Variants in SORCS1 observed in about 807,000 individuals in gnomAD.
SORCS1 encodes the protein VPS10 domain-containing receptor SorCS1.
In SORCS1, 60 loss-of-function variants were observed where a neutral mutation model predicts 146.1. That is an observed-to-expected ratio of 0.41 (90% CI 0.33 to 0.51). SORCS1 has a LOEUF of 0.51. Ranked by LOEUF, SORCS1 falls within the 20% of genes least tolerant of loss-of-function variation. The pLI is 0.21. For synonymous variants in SORCS1, 637 were observed against 584.0 expected (o/e 1.09, Z -1.31); for missense variants, 1,352 against 1,487.6 (o/e 0.91, Z 1.50).
intron 1 of SORCS1, among the ~76,000 whole-genome samples, chr10:107,135,555 C>G (rs186639190): frequency 2.0e-3 from 302 of 152,312 alleles, no homozygotes; most frequent in Non-Finnish European, 3.5e-3. Flanking sequence ...TCCTCCTTAA[C>G]CAGCACCTGC....
chr10:106,926,862 CACACAGAGAG>C (rs778335514), intron 2 of SORCS1, among the ~76,000 whole-genome samples: 23 of 97,392 alleles, frequency 2.4e-4, no homozygotes, highest in African/African-American at 1.1e-3. Context: ...CACACACACA[CACACAGAGAG>C]AGAGAGAGAG....
At chr10:106,620,305 T>C in intron 20 of SORCS1, 123 bp downstream of exon 20, 1 of 1,270,962 alleles carries the variant, frequency 7.9e-7, no homozygotes. Flanking sequence ...AGGGAGCTTG[T>C]TGTCCTTGAA....
At chr10:106,866,100 C>T (rs1051064475) in intron 2 of SORCS1, among the ~76,000 whole-genome samples, 3 of 152,220 alleles carry the variant, frequency 2.0e-5, no homozygotes, top group East Asian at 1.9e-4. Context: ...TGGCCACCCC[C>T]GACTAGGGCT....
At chr10:106,881,961 G>C (rs1950818518) in intron 2 of SORCS1, among the ~76,000 whole-genome samples, 1 of 152,158 alleles carries the variant, frequency 6.6e-6, no homozygotes, top group Non-Finnish European at 1.5e-5. Flanking sequence ...GGCAAGCTTG[G>C]CTAAAGTGAA....
intron 1 of SORCS1, among the ~76,000 whole-genome samples, chr10:106,958,699 G>A (rs1045605937): frequency 6.6e-6 from 1 of 152,168 alleles, no homozygotes; most frequent in Admixed American, 6.5e-5. Context: ...AGCAAAACGT[G>A]AGCATGTGTG....
intron 1 of SORCS1, among the ~76,000 whole-genome samples, chr10:107,159,584 G>A (rs1969552604): frequency 6.6e-6 from 1 of 152,048 alleles, no homozygotes; most frequent in South Asian, 2.1e-4. Context: ...ACCTCCGAAA[G>A]ATATACTATC....
chr10:106,680,041 C>G (rs1392393210), intron 10 of SORCS1, among the ~76,000 whole-genome samples: 1 of 152,044 alleles, frequency 6.6e-6, no homozygotes, highest in East Asian at 1.9e-4. Flanking sequence ...CCATTAATTA[C>G]CATAAAAAGA....
chr10:107,041,995 T>C (rs936719961), intron 1 of SORCS1, among the ~76,000 whole-genome samples: 1 of 152,196 alleles, frequency 6.6e-6, no homozygotes, highest in Non-Finnish European at 1.5e-5. Context: ...GAGTCCATAA[T>C]AAAGATTTCA....
the SORCS1 span, among the ~76,000 whole-genome samples, chr10:107,172,545 T>C: frequency 6.6e-6 from 1 of 152,226 alleles, no homozygotes; most frequent in Non-Finnish European, 1.5e-5. Flanking sequence ...ATCTTCTAAG[T>C]TAGCCATCTC....
chr10:107,159,194 C>T (rs1969523686), intron 1 of SORCS1, among the ~76,000 whole-genome samples: 2 of 152,106 alleles, frequency 1.3e-5, no homozygotes, highest in African/African-American at 4.8e-5. Flanking sequence ...AAAGGAAGAA[C>T]CTTGTGAAAT....
chr10:106,888,552 A>G, intron 2 of SORCS1, among the ~76,000 whole-genome samples: 1 of 152,370 alleles, frequency 6.6e-6, no homozygotes, highest in African/African-American at 2.4e-5. Context: ...TGGTTTTACT[A>G]GTGGGAAATC....
intron 24 of SORCS1, among the ~76,000 whole-genome samples, chr10:106,593,043 G>C (rs112791062): frequency 2.6e-5 from 4 of 151,598 alleles, no homozygotes; most frequent in African/African-American, 9.7e-5. Flanking sequence ...GGAGGCTGAG[G>C]GCTTGAGCCC....
At chr10:106,627,619 C>T (rs1848187657) in intron 19 of SORCS1, among the ~76,000 whole-genome samples, 1 of 152,126 alleles carries the variant, frequency 6.6e-6, no homozygotes, top group Non-Finnish European at 1.5e-5. Context: ...GTGGAAAGTC[C>T]TGAAAGTCTA....
At chr10:107,086,805 G>T (rs1276611668) in intron 1 of SORCS1, among the ~76,000 whole-genome samples, 6 of 152,202 alleles carry the variant, frequency 3.9e-5, no homozygotes, top group Admixed American at 2.0e-4. Context: ...CAAGGCAGGT[G>T]GATCACCAGG....
At position 106,706,525 on chromosome 10, in the gene SORCS1, G is replaced by T. The variant is rs1854542358; in HGVS notation, c.1233+20C>A. 1.2e-6 allele frequency: 2 copies of T among 1,611,924 alleles called. No homozygotes were observed. Among genetic ancestry groups the T allele is most frequent in the East Asian group, 4.5e-5 (2 of 44,856 alleles). Reference sequence around the variant, plus strand: ...GAATGAGAGTCAAGAGTGAAATGAAGAAAGTGATTTAGGCCATACCTTGGG... The same window carrying T: ...GAATGAGAGTCAAGAGTGAAATGAATAAAGTGATTTAGGCCATACCTTGGG... On this transcript the variant is annotated intron_variant, in intron 8 of 25. Coordinates refer to ENST00000263054, the MANE Select transcript of SORCS1 (RefSeq NM_052918.5).
chr10:106,934,254 T>A (rs1010995249), intron 2 of SORCS1, among the ~76,000 whole-genome samples: 1 of 151,898 alleles, frequency 6.6e-6, no homozygotes, highest in South Asian at 2.1e-4. Context: ...TTTTATTTTT[T>A]ATTTTATTTA....
In SORCS1 at chr10:106,598,866, C is replaced by T. The variant is rs552125909; in HGVS notation, c.3166-1416G>A. ...ACTGAACTGCCCCACAGATAAACTT[C>T]TCTCCTGAACAACAGGAACAGAGGA... On this transcript the variant is annotated intron_variant, in intron 23 of 25. Transcript: ENST00000263054. 5.9e-5 allele frequency among the ~76,000 whole-genome samples: 9 copies of T among 152,282 alleles called. No homozygotes were observed. In the East Asian group the frequency reaches 1.7e-3, roughly 29 times the overall value.
At position 106,948,653 on chromosome 10, in the gene SORCS1, T is replaced by TAA. The variant is rs58567205; in HGVS notation, c.626+7858_626+7859dup. Among the ~76,000 whole-genome samples the TAA allele has an allele frequency of 1.6e-3, 229 of 140,892 alleles. 1 individual carries two copies. Among genetic ancestry groups the TAA allele is most frequent in the African/African-American group, 5.3e-3 (205 of 38,560 alleles). 92.4% of individuals were successfully genotyped at this position (140,892 alleles called of 152,430 possible). A position where few individuals can be genotyped will look rare whatever the true frequency, so the allele number is the denominator to read the frequency against. On this transcript the variant is annotated intron_variant, in intron 2 of 25. Coordinates refer to ENST00000263054, the MANE Select transcript of SORCS1 (RefSeq NM_052918.5). The stretch of plus-strand genomic sequence containing the variant: ...AGTGACAGAGCAAGACCCTGTTTCT[T>TAA]AAAAAAAAAAAAAAATTAACTGTAG...
At chr10:106,636,938 A>G (rs1848761752) in intron 18 of SORCS1, among the ~76,000 whole-genome samples, 1 of 152,210 alleles carries the variant, frequency 6.6e-6, no homozygotes, top group African/African-American at 2.4e-5. Context: ...GTGTGAAACC[A>G]AAGAACTTTG....
Sources: gnomAD v4.1 joint callset for allele counts (sites outside exome capture counted in the v4.1 genomes callset) on GRCh38, gnomAD v4.1.1 for gene constraint, MANE v1.5 for transcripts, NCBI Gene and HGNC (gene_info 2026-07-23, HGNC 2026-07-21) for gene names.